Variants in MTA3 observed in about 807,000 individuals in gnomAD.
MTA3 encodes metastasis-associated protein MTA3.
In MTA3, 34 loss-of-function variants were observed where a neutral mutation model predicts 83.5. The observed-to-expected ratio is 0.41, with a 90% CI of 0.31 to 0.54. The LOEUF (loss-of-function observed/expected upper bound fraction) is 0.54. MTA3 is among the 20% of genes least tolerant of loss of function. MTA3 has a pLI of 0.33. For synonymous variants in MTA3, 303 were observed against 252.7 expected (o/e 1.20, Z -1.89); for missense variants, 761 against 726.4 (o/e 1.05, Z -0.55).
intron 14 of MTA3, among the ~76,000 whole-genome samples, chr2:42,711,950 G>A (rs1287516652): frequency 6.6e-6 from 1 of 152,062 alleles, no homozygotes; most frequent in African/African-American, 2.4e-5. Context: ...TCAAAATATT[G>A]ATGGATCTAG....
chr2:42,639,393 T>C (rs1687497840), intron 4 of MTA3, among the ~76,000 whole-genome samples: 2 of 152,208 alleles, frequency 1.3e-5, no homozygotes, highest in Non-Finnish European at 1.5e-5. Flanking sequence ...TTCAAAATGC[T>C]CCTGTCAGAT....
intron 14 of MTA3, among the ~76,000 whole-genome samples, chr2:42,718,239 A>G (rs1256609409): frequency 6.6e-6 from 1 of 151,576 alleles, no homozygotes; most frequent in East Asian, 2.0e-4. Flanking sequence ...TCTTGCATGT[A>G]AATTATTATT....
At chr2:42,562,198 G>T (rs1677703316) in intron 2 of MTA3, among the ~76,000 whole-genome samples, 1 of 152,040 alleles carries the variant, frequency 6.6e-6, no homozygotes, top group African/African-American at 2.4e-5. Flanking sequence ...CTAATCTCAG[G>T]ATAATCTCAT....
chr2:42,755,801 A>G lies in MTA3; in HGVS notation c.*2402A>G. The G allele has an allele frequency of 3.0e-6, 3 of 985,534 alleles. No homozygotes were observed. The South Asian group carries it at 1.4e-4, about 46-fold the overall frequency. The allele number at this position is 985,534 out of a possible 1,614,324, so 61.0% of individuals were successfully genotyped here. On this transcript the variant is annotated 3_prime_UTR_variant, in exon 17 of 17. Transcript: ENST00000405094. Reference sequence around the variant, plus strand: ...TCAGTGAGCACATGGGTGGACGTGCAGAGACTGTCTGCGCAGCCCCCAGCA... The same window carrying G: ...TCAGTGAGCACATGGGTGGACGTGCGGAGACTGTCTGCGCAGCCCCCAGCA...
chr2:42,753,356 G>A lies in MTA3; in HGVS notation c.1760-18G>A. The A allele has an allele frequency of 6.4e-7, 1 of 1,550,494 alleles. No individual in the cohort carries two copies. Among genetic ancestry groups the A allele is most frequent in the Non-Finnish European group, 8.7e-7 (1 of 1,146,942 alleles). The stretch of plus-strand genomic sequence containing the variant: ...TCGGGACTTGTTTAACCTTCACACT[G>A]TTACTTCCCTTTTCTAGAACTCACG... On this transcript the variant is annotated intron_variant, in intron 16 of 16. Coordinates refer to ENST00000405094, the MANE Select transcript of MTA3 (RefSeq NM_001330442.2).
In MTA3 at chr2:42,689,427, T is replaced by A. The variant is rs547602740; in HGVS notation, c.892-6338T>A. 3.8e-3 allele frequency among the ~76,000 whole-genome samples: 585 copies of A among 152,228 alleles called. 4 individuals are homozygous for A. The highest frequency in any genetic ancestry group is 5.5e-3 in the Non-Finnish European group (373 of 68,032). ...CTAATGATGGCTACTTAGAATGAGT[T>A]GGGAAGTATTCTCTTTTCTGTTTTC... On this transcript the variant is annotated intron_variant, in intron 9 of 16. Coordinates refer to ENST00000405094, the MANE Select transcript of MTA3 (RefSeq NM_001330442.2).
At chr2:42,710,675 T>C (rs1190175908) in intron 14 of MTA3, among the ~76,000 whole-genome samples, 2 of 152,154 alleles carry the variant, frequency 1.3e-5, no homozygotes, top group African/African-American at 4.8e-5. Flanking sequence ...TGTGCTAGCA[T>C]TTGAGACCTC....
intron 3 of MTA3, among the ~76,000 whole-genome samples, chr2:42,594,726 A>ATT (rs1303482913): frequency 3.1e-4 from 9 of 29,356 alleles, no homozygotes; most frequent in African/African-American, 1.6e-3. Context: ...ATATATATAT[A>ATT]TATTTTTTTT....
At chr2:42,704,006 A>C in intron 11 of MTA3, 188 bp from the exon 12 acceptor site, 1 of 566,944 alleles carries the variant, frequency 1.8e-6, no homozygotes, top group South Asian at 2.3e-5. Context: ...TTTTTCATAG[A>C]CTCGTTTTAT....
intron 11 of MTA3, chr2:42,703,026 C>T (rs1665725326): frequency 6.6e-6 from 1 of 152,254 alleles, no homozygotes; most frequent in Non-Finnish European, 1.5e-5. Context: ...GTGGCATGAT[C>T]ATGGCTCACT....
intron 9 of MTA3, among the ~76,000 whole-genome samples, chr2:42,683,413 C>A (rs1028480075): frequency 6.6e-6 from 1 of 152,122 alleles, no homozygotes; most frequent in Non-Finnish European, 1.5e-5. Context: ...TGGTCCCCAA[C>A]CTTTTTGGCA....
chr2:42,670,146 C>T (rs1383968855), intron 8 of MTA3, among the ~76,000 whole-genome samples: 16 of 152,088 alleles, frequency 1.1e-4, no homozygotes, highest in Admixed American at 6.5e-4. Flanking sequence ...GTAATCCCAG[C>T]GACTTGGGAG....
At chr2:42,628,446 C>T (rs1412384605) in intron 4 of MTA3, among the ~76,000 whole-genome samples, 1 of 151,930 alleles carries the variant, frequency 6.6e-6, no homozygotes, top group Non-Finnish European at 1.5e-5. Flanking sequence ...GCTGGCTAGG[C>T]TGGTCTCAAA....
intron 3 of MTA3, among the ~76,000 whole-genome samples, chr2:42,590,259 C>T (rs1490638795): frequency 6.6e-6 from 1 of 152,070 alleles, no homozygotes; most frequent in East Asian, 1.9e-4. Flanking sequence ...ATGGTTGGGT[C>T]ATGGGAGTAG....
chr2:42,678,724 G>A (rs1019240338), intron 8 of MTA3, among the ~76,000 whole-genome samples: 5 of 152,160 alleles, frequency 3.3e-5, no homozygotes, highest in South Asian at 4.2e-4. Context: ...GCCGTTACTC[G>A]GTGAACAAAT....
chr2:42,534,891 G>A (rs1295166361), intron 2 of MTA3, among the ~76,000 whole-genome samples: 1 of 151,964 alleles, frequency 6.6e-6, no homozygotes, highest in Non-Finnish European at 1.5e-5. Flanking sequence ...CCAAAGTGCT[G>A]GTTTTACTGG....
intron 8 of MTA3, among the ~76,000 whole-genome samples, chr2:42,667,576 G>GTGTGTGTGTGTGTGTGTGTT (rs1553379060): frequency 0.041 from 5,147 of 124,252 alleles, 152 homozygotes; most frequent in African/African-American, 0.053. Context: ...AAAATTGTGT[G>GTGTGTGTGTGTGTGTGTGTT]TGTGTGTGTG....
At chr2:42,497,128 C>T (rs988326592) in intron 2 of MTA3, among the ~76,000 whole-genome samples, 1 of 151,924 alleles carries the variant, frequency 6.6e-6, no homozygotes, top group African/African-American at 2.4e-5. Context: ...ATCGCTTGAA[C>T]CTGGGAGGCA....
chr2:42,741,402 C>T (rs961887729), intron 16 of MTA3, among the ~76,000 whole-genome samples: 2 of 152,232 alleles, frequency 1.3e-5, no homozygotes, highest in African/African-American at 4.8e-5. Context: ...GCATTCACCA[C>T]TTGGTTAACT....
Sources: gnomAD v4.1 joint callset for allele counts (sites outside exome capture counted in the v4.1 genomes callset) on GRCh38, gnomAD v4.1.1 for gene constraint, MANE v1.5 for transcripts, NCBI Gene and HGNC (gene_info 2026-07-23, HGNC 2026-07-21) for gene names.